Variants in IQCM observed in about 807,000 individuals in gnomAD.
IQCM encodes IQ motif containing M, also known as IQ domain-containing protein M.
A neutral mutation model predicts 57.6 loss-of-function variants in IQCM; 45 were observed. The ratio of observed to expected loss-of-function variants is 0.78; its 90% CI spans 0.62 to 1.00. The LOEUF is 1.00. Ranked by LOEUF, IQCM falls within the 50% of genes least tolerant of loss-of-function variation. The probability of loss-of-function intolerance (pLI) is 0.00; values close to 1 mark genes in which losing one functional copy is unlikely to be tolerated. For synonymous variants in IQCM, 148 were observed against 158.9 expected, an observed-to-expected ratio of 0.93 and a Z score of 0.51; for missense variants, 468 against 511.6, an observed-to-expected ratio of 0.91 and a Z score of 0.82.
intron 8 of IQCM, among the ~76,000 whole-genome samples, chr4:149,613,626 A>T (rs202074631): frequency 6.6e-6 from 1 of 151,788 alleles, no homozygotes; most frequent in Non-Finnish European, 1.5e-5. Flanking sequence ...TGTGCAGGTT[A>T]GTTACATATG....
At chr4:149,686,196 T>C (rs1248415580) in intron 6 of IQCM, among the ~76,000 whole-genome samples, 182 bp downstream of exon 6, 1 of 151,442 alleles carries the variant, frequency 6.6e-6, no homozygotes, top group Non-Finnish European at 1.5e-5. Context: ...CAAAAGTTAA[T>C]TGAACTGAAA....
intron 8 of IQCM, among the ~76,000 whole-genome samples, chr4:149,614,449 T>C (rs2150060099): frequency 6.6e-6 from 1 of 152,298 alleles, no homozygotes; most frequent in East Asian, 1.9e-4. Flanking sequence ...TTTGCCACAC[T>C]GAATTTCTTT....
chr4:149,733,100 A>G, intron 5 of IQCM, 144 bp downstream of exon 5: 1 of 700,498 alleles, frequency 1.4e-6, no homozygotes, highest in Non-Finnish European at 2.0e-6. Context: ...TAGCAGCTCT[A>G]ATAATCAGGC....
intron 10 of IQCM, among the ~76,000 whole-genome samples, chr4:149,554,104 C>A (rs1749305357): frequency 6.6e-6 from 1 of 151,778 alleles, no homozygotes; most frequent in African/African-American, 2.4e-5. Flanking sequence ...TTTAAATTTT[C>A]ATTATTTCTT....
intron 7 of IQCM, among the ~76,000 whole-genome samples, chr4:149,681,722 T>A (rs565338646): frequency 6.6e-6 from 1 of 151,070 alleles, no homozygotes; most frequent in Non-Finnish European, 1.5e-5. Context: ...GCCCCCTAGG[T>A]CTTTAAGCAG....
chr4:149,648,795 G>T (rs1047307601), intron 7 of IQCM, among the ~76,000 whole-genome samples: 1 of 151,958 alleles, frequency 6.6e-6, no homozygotes, highest in Admixed American at 6.6e-5. Context: ...TATACCTAAT[G>T]TAAATGACGA....
At chr4:149,578,521 G>A (rs1189406083) in intron 9 of IQCM, among the ~76,000 whole-genome samples, 1 of 151,810 alleles carries the variant, frequency 6.6e-6, no homozygotes, top group East Asian at 2.0e-4. Flanking sequence ...TCCCAACACA[G>A]TTATTTATTC....
At chr4:149,540,404 T>C (rs1056949348) in intron 12 of IQCM, among the ~76,000 whole-genome samples, 4 of 151,252 alleles carry the variant, frequency 2.6e-5, no homozygotes, top group African/African-American at 9.7e-5. Flanking sequence ...TAACAGACAA[T>C]AGACTTCATA....
At chr4:149,616,210 T>C (rs1414620294) in intron 8 of IQCM, among the ~76,000 whole-genome samples, 1 of 152,128 alleles carries the variant, frequency 6.6e-6, no homozygotes, top group African/African-American at 2.4e-5. Flanking sequence ...TGTCCATTGA[T>C]GGGAGAATGG....
At chr4:149,679,984 T>C (rs1762063286) in intron 7 of IQCM, among the ~76,000 whole-genome samples, 1 of 151,448 alleles carries the variant, frequency 6.6e-6, no homozygotes, top group Non-Finnish European at 1.5e-5. Flanking sequence ...TGAACATTTT[T>C]CACATTTTAC....
At chr4:149,485,315 C>T (rs1172314989) in intron 12 of IQCM, among the ~76,000 whole-genome samples, 1 of 151,968 alleles carries the variant, frequency 6.6e-6, no homozygotes, top group East Asian at 1.9e-4. Context: ...ATCTCTTCCC[C>T]TACCTCTCTT....
intron 7 of IQCM, among the ~76,000 whole-genome samples, chr4:149,656,191 T>A (rs1411369592): frequency 6.6e-6 from 1 of 152,130 alleles, no homozygotes; most frequent in African/African-American, 2.4e-5. Context: ...GTGACACAAA[T>A]TATGCTATCA....
chr4:149,758,088 C>T (rs1444817380), intron 2 of IQCM, among the ~76,000 whole-genome samples: 1 of 152,052 alleles, frequency 6.6e-6, no homozygotes, highest in Admixed American at 6.6e-5. Flanking sequence ...ATAAGTGGAA[C>T]AGAATGGATA....
At chr4:149,552,229 G>C (rs1021221496) in intron 11 of IQCM, among the ~76,000 whole-genome samples, 4 of 152,086 alleles carry the variant, frequency 2.6e-5, no homozygotes, top group Non-Finnish European at 5.9e-5. Flanking sequence ...CCAGGCATTT[G>C]CTAGATAGTG....
intron 13 of IQCM, among the ~76,000 whole-genome samples, chr4:149,403,821 G>T (rs1207311645): frequency 2.0e-5 from 3 of 151,924 alleles, no homozygotes; most frequent in Non-Finnish European, 4.4e-5. Flanking sequence ...TGATTAGGTA[G>T]TTGATGTCAC....
At chr4:149,650,402 G>T (rs1038505779) in intron 7 of IQCM, among the ~76,000 whole-genome samples, 9 of 136,810 alleles carry the variant, frequency 6.6e-5, no homozygotes, top group African/African-American at 2.4e-4. Flanking sequence ...ATTAATTTCT[G>T]GGTTTTTTTT....
At chr4:149,491,074 T>C (rs993178327) in intron 12 of IQCM, among the ~76,000 whole-genome samples, 1 of 152,110 alleles carries the variant, frequency 6.6e-6, no homozygotes, top group African/African-American at 2.4e-5. Context: ...TGTGGAACTG[T>C]GGATAAAACA....
chr4:149,405,848 T>A (rs1732937588), intron 13 of IQCM, among the ~76,000 whole-genome samples: 1 of 146,356 alleles, frequency 6.8e-6, no homozygotes, highest in Non-Finnish European at 1.5e-5. Context: ...TATATATATA[T>A]ATGCTCCAGA....
intron 12 of IQCM, among the ~76,000 whole-genome samples, chr4:149,528,329 C>T (rs1455300734): frequency 1.3e-5 from 2 of 152,118 alleles, no homozygotes; most frequent in East Asian, 3.9e-4. Flanking sequence ...TCAACTGAGG[C>T]ACCATGTAGA....
Sources: allele counts gnomAD v4.1 joint callset (sites outside exome capture counted in the v4.1 genomes callset), GRCh38; gene constraint gnomAD v4.1.1; transcripts MANE v1.5; gene names NCBI Gene and HGNC (gene_info 2026-07-23, HGNC 2026-07-21).